PRELID2: variants seen among roughly 807,000 people sequenced by gnomAD.
The protein encoded by PRELID2 is PRELI domain-containing protein 2.
In PRELID2, 25 loss-of-function variants were observed where a neutral mutation model predicts 28.4. That is an observed-to-expected ratio of 0.88 (90% CI 0.64 to 1.23). The LOEUF (loss-of-function observed/expected upper bound fraction) is 1.23. PRELID2 is among the 50% of genes most tolerant of loss of function. The pLI is 0.00. For missense variants in PRELID2, 201 were observed against 214.4 expected, an observed-to-expected ratio of 0.94 and a Z score of 0.39; for synonymous variants, 76 against 71.6, an observed-to-expected ratio of 1.06 and a Z score of -0.31.
At chr5:145,491,697 G>C (rs1196662693) in intron 1 of PRELID2, among the ~76,000 whole-genome samples, 3 of 151,614 alleles carry the variant, frequency 2.0e-5, no homozygotes, top group Admixed American at 2.0e-4. Context: ...AAATATCTCT[G>C]TAACCCCCCC....
At chr5:145,357,818 T>C in the PRELID2 span, among the ~76,000 whole-genome samples, 1 of 152,138 alleles carries the variant, frequency 6.6e-6, no homozygotes, top group East Asian at 1.9e-4. Flanking sequence ...AAAAAAACAC[T>C]CTGACTTTTT....
intron 1 of PRELID2, among the ~76,000 whole-genome samples, chr5:145,614,828 C>T (rs1753671144): frequency 6.6e-6 from 1 of 152,174 alleles, no homozygotes; most frequent in South Asian, 2.1e-4. Flanking sequence ...ATTTCTTTCT[C>T]TTGTCTGGTT....
chr5:145,385,932 G>A, the PRELID2 span, among the ~76,000 whole-genome samples: 9 of 152,022 alleles, frequency 5.9e-5, no homozygotes, highest in East Asian at 1.9e-4. Context: ...CCCAGATCTC[G>A]TCTTGATTTG....
chr5:145,654,654 A>C (rs905120567), intron 1 of PRELID2, among the ~76,000 whole-genome samples: 2 of 152,236 alleles, frequency 1.3e-5, no homozygotes, highest in Admixed American at 1.3e-4. Context: ...AAACCACATG[A>C]TTATCTCAAT....
chr5:145,358,256 T>C, the PRELID2 span, among the ~76,000 whole-genome samples: 1 of 152,062 alleles, frequency 6.6e-6, no homozygotes, highest in South Asian at 2.1e-4. Flanking sequence ...TCCTTCTGAC[T>C]ATGAGAGGGA....
chr5:145,481,701 T>TACCA (rs1240636210), intron 1 of PRELID2, among the ~76,000 whole-genome samples: 2 of 135,572 alleles, frequency 1.5e-5, no homozygotes, highest in Admixed American at 7.3e-5. Flanking sequence ...AGAAAGGAAG[T>TACCA]ACCAATAGAA....
intron 1 of PRELID2, among the ~76,000 whole-genome samples, chr5:145,687,343 C>T: frequency 6.6e-6 from 1 of 152,060 alleles, no homozygotes; most frequent in East Asian, 1.9e-4. Context: ...AAAAGCACAT[C>T]GTCAAAAGAC....
At chr5:145,318,646 T>C in the PRELID2 span, among the ~76,000 whole-genome samples, 1 of 152,180 alleles carries the variant, frequency 6.6e-6, no homozygotes, top group East Asian at 1.9e-4. Context: ...AGCATGCAGA[T>C]GGGCAGCTGC....
the PRELID2 span, among the ~76,000 whole-genome samples, chr5:145,464,431 T>C: frequency 2.0e-5 from 3 of 152,188 alleles, no homozygotes; most frequent in East Asian, 5.8e-4. Context: ...AGCTTAATGT[T>C]TAAATATTTC....
At chr5:145,664,821 T>C (rs1255408528) in intron 1 of PRELID2, among the ~76,000 whole-genome samples, 2 of 152,086 alleles carry the variant, frequency 1.3e-5, no homozygotes, top group Non-Finnish European at 2.9e-5. Flanking sequence ...TTTGCTGAAG[T>C]GGACTCCTGC....
the PRELID2 span, among the ~76,000 whole-genome samples, chr5:145,433,989 T>G: frequency 6.6e-6 from 1 of 152,148 alleles, no homozygotes; most frequent in Non-Finnish European, 1.5e-5. Flanking sequence ...GACTCCCACA[T>G]GGGTTAATAA....
chr5:145,720,657 T>G (rs971444410), intron 1 of PRELID2, among the ~76,000 whole-genome samples: 4 of 152,004 alleles, frequency 2.6e-5, no homozygotes, highest in Non-Finnish European at 5.9e-5. Context: ...CTGTGAAAAT[T>G]TAGGTAAAAG....
chr5:145,371,164 G>T, the PRELID2 span, among the ~76,000 whole-genome samples: 3 of 152,078 alleles, frequency 2.0e-5, no homozygotes, highest in Non-Finnish European at 4.4e-5. Context: ...AATAGCAGTG[G>T]TGAGAAAGGG....
intron 1 of PRELID2, among the ~76,000 whole-genome samples, chr5:145,824,404 T>C (rs1755029949): frequency 6.9e-6 from 1 of 145,442 alleles, no homozygotes; most frequent in South Asian, 2.2e-4. Context: ...ACTCTGACTG[T>C]GGGTCTCCAC....
chr5:145,420,043 A>ATC, the PRELID2 span, among the ~76,000 whole-genome samples: 2 of 151,828 alleles, frequency 1.3e-5, no homozygotes, highest in Non-Finnish European at 2.9e-5. Context: ...ATAGTTGTAG[A>ATC]TATGCGGCAT....
At chr5:145,785,287 G>A (rs1009586366) in intron 5 of PRELID2, among the ~76,000 whole-genome samples, 1 of 152,098 alleles carries the variant, frequency 6.6e-6, no homozygotes, top group Non-Finnish European at 1.5e-5. Context: ...GGGCCAAGAA[G>A]CTTTTCTCTA....
At chr5:145,370,145 T>C in the PRELID2 span, among the ~76,000 whole-genome samples, 1 of 152,116 alleles carries the variant, frequency 6.6e-6, no homozygotes, top group Non-Finnish European at 1.5e-5. Context: ...TTTGTCAATT[T>C]TGGGTTTTGT....
chr5:145,471,802 T>G (rs750808795), exon 3 of PRELID2: 1 of 152,122 alleles, frequency 6.6e-6, no homozygotes, highest in South Asian at 2.1e-4. Context: ...GCAATCAACA[T>G]AATCCAACTT....
chr5:145,820,412 C>T (rs1263239290), intron 2 of PRELID2, among the ~76,000 whole-genome samples: 1 of 151,974 alleles, frequency 6.6e-6, no homozygotes, highest in Non-Finnish European at 1.5e-5. Context: ...ATGAAAGAAT[C>T]ACAACCGTTC....
Sources: gnomAD v4.1 joint callset for allele counts (sites outside exome capture counted in the v4.1 genomes callset) on GRCh38, gnomAD v4.1.1 for gene constraint, MANE v1.5 for transcripts, NCBI Gene and HGNC (gene_info 2026-07-23, HGNC 2026-07-21) for gene names.